The following KCNC2 variants were observed in gnomAD, a reference collection of about 807,000 sequenced individuals.
The protein encoded by KCNC2 is voltage-gated potassium channel KCNC2.
KCNC2 carries 21 observed loss-of-function variants against 44.5 expected under a neutral mutation model. The ratio of observed to expected loss-of-function variants is 0.47; its 90% CI spans 0.33 to 0.68. The LOEUF (loss-of-function observed/expected upper bound fraction) is 0.68. Ranked by LOEUF, KCNC2 falls within the 30% of genes least tolerant of loss-of-function variation. The pLI is 0.01. For synonymous variants in KCNC2, 391 were observed against 339.1 expected (o/e 1.15, Z -1.68); for missense variants, 589 against 826.2 (o/e 0.71, Z 3.52).
intron 2 of KCNC2, among the ~76,000 whole-genome samples, chr12:75,063,920 A>T (rs928783181): frequency 6.6e-6 from 1 of 152,126 alleles, no homozygotes; most frequent in Non-Finnish European, 1.5e-5. Flanking sequence ...TAACTTTCAC[A>T]ATCAATTATT....
At chr12:75,172,418 C>T (rs1360742890) in intron 2 of KCNC2, among the ~76,000 whole-genome samples, 1 of 151,732 alleles carries the variant, frequency 6.6e-6, no homozygotes, top group Non-Finnish European at 1.5e-5. Context: ...CAGCAAACCA[C>T]CACCATGGCA....
intron 2 of KCNC2, among the ~76,000 whole-genome samples, chr12:75,087,773 A>G (rs1885145266): frequency 6.6e-6 from 1 of 152,096 alleles, no homozygotes; most frequent in Non-Finnish European, 1.5e-5. Flanking sequence ...ACATGAGCAC[A>G]GGCTGGAGGA....
chr12:75,178,261 A>G (rs913103915), intron 2 of KCNC2, among the ~76,000 whole-genome samples: 35 of 152,034 alleles, frequency 2.3e-4, no homozygotes, highest in Admixed American at 1.7e-3. Flanking sequence ...TACCAAAGAA[A>G]TTAGCACTGA....
intron 2 of KCNC2, among the ~76,000 whole-genome samples, chr12:75,170,448 C>G (rs1324951462): frequency 6.6e-6 from 1 of 151,638 alleles, no homozygotes; most frequent in African/African-American, 2.4e-5. Flanking sequence ...ATTCTAGATA[C>G]AGAGGAATAC....
At chr12:75,086,553 T>C (rs1885012732) in intron 2 of KCNC2, among the ~76,000 whole-genome samples, 1 of 151,428 alleles carries the variant, frequency 6.6e-6, no homozygotes, top group African/African-American at 2.4e-5. Flanking sequence ...TTTGGTCATG[T>C]AGTAGACACG....
intron 2 of KCNC2, among the ~76,000 whole-genome samples, chr12:75,146,904 C>T (rs926864317): frequency 1.3e-5 from 2 of 151,980 alleles, no homozygotes; most frequent in Non-Finnish European, 2.9e-5. Flanking sequence ...AACAATTGTG[C>T]TGAGGTCTGA....
At chr12:75,097,757 A>C (rs573912926) in intron 2 of KCNC2, among the ~76,000 whole-genome samples, 1 of 152,222 alleles carries the variant, frequency 6.6e-6, no homozygotes, top group African/African-American at 2.4e-5. Context: ...TTTTAATTTA[A>C]GCTTTTCTGC....
At position 75,204,069 on chromosome 12, in the gene KCNC2, T is replaced by C. The variant is rs549853187; in HGVS notation, c.687+3228A>G. Reference sequence around the variant, plus strand: ...TTTACTGTTTGTAAATATCACTCACTAGCATCAACAAAATAAACTCTCATT... The same window carrying C: ...TTTACTGTTTGTAAATATCACTCACCAGCATCAACAAAATAAACTCTCATT... On this transcript the variant is annotated intron_variant, in intron 2 of 4. Coordinates refer to ENST00000549446, the MANE Select transcript of KCNC2 (RefSeq NM_139137.4). 3.6e-3 allele frequency among the ~76,000 whole-genome samples: 550 copies of C among 152,112 alleles called. 1 individual carries two copies. The highest frequency in any genetic ancestry group is 0.013 in the African/African-American group (525 of 41,570).
At chr12:75,153,424 C>G (rs1890542062) in intron 2 of KCNC2, among the ~76,000 whole-genome samples, 1 of 151,572 alleles carries the variant, frequency 6.6e-6, no homozygotes, top group Admixed American at 6.6e-5. Flanking sequence ...AATGTGTACA[C>G]ATGGATAGAG....
At chr12:75,177,485 A>AT (rs146474593) in intron 2 of KCNC2, among the ~76,000 whole-genome samples, 1,867 of 151,650 alleles carry the variant, frequency 0.012, 30 homozygotes, top group African/African-American at 0.041. Context: ...TTAAAATATG[A>AT]TTTTTTTTCA....
chr12:75,084,173 A>G (rs1437009682), intron 2 of KCNC2, among the ~76,000 whole-genome samples: 1 of 151,946 alleles, frequency 6.6e-6, no homozygotes, highest in Non-Finnish European at 1.5e-5. Context: ...CATCTCCTCT[A>G]TCGGTATAAA....
At chr12:75,119,301 C>A (rs1459387994) in intron 2 of KCNC2, among the ~76,000 whole-genome samples, 2 of 152,068 alleles carry the variant, frequency 1.3e-5, no homozygotes, top group Non-Finnish European at 2.9e-5. Flanking sequence ...TAGGTAACTT[C>A]AAAATGTAGG....
chr12:75,148,417 T>TTAATCTA (rs1397380466), intron 2 of KCNC2, among the ~76,000 whole-genome samples: 2 of 152,046 alleles, frequency 1.3e-5, no homozygotes, highest in Admixed American at 6.6e-5. Context: ...TAAGCATCCT[T>TTAATCTA]AGGTCAGGAG....
intron 2 of KCNC2, among the ~76,000 whole-genome samples, chr12:75,176,505 TC>T (rs957424180): frequency 5.4e-4 from 82 of 152,008 alleles, no homozygotes; most frequent in African/African-American, 1.8e-3. Context: ...TCACTACTCT[TC>T]CCCTCTGCTC....
intron 2 of KCNC2, among the ~76,000 whole-genome samples, chr12:75,091,745 A>G (rs1293957324): frequency 2.6e-5 from 4 of 151,606 alleles, no homozygotes; most frequent in Non-Finnish European, 4.4e-5. Flanking sequence ...ACAAATGAGT[A>G]GGCACCTATA....
chr12:75,063,845 G>C (rs1192194184), intron 2 of KCNC2, among the ~76,000 whole-genome samples: 1 of 152,066 alleles, frequency 6.6e-6, no homozygotes, highest in Non-Finnish European at 1.5e-5. Flanking sequence ...AAGCAGATGA[G>C]AAAAATAAGA....
At chr12:75,103,109 T>G (rs1162300917) in intron 2 of KCNC2, among the ~76,000 whole-genome samples, 1 of 152,102 alleles carries the variant, frequency 6.6e-6, no homozygotes, top group Non-Finnish European at 1.5e-5. Flanking sequence ...CCGAATTGCT[T>G]GCAAAATAGT....
intron 2 of KCNC2, among the ~76,000 whole-genome samples, chr12:75,179,792 C>T (rs1892454875): frequency 6.6e-6 from 1 of 150,756 alleles, no homozygotes; most frequent in South Asian, 2.1e-4. Flanking sequence ...ACTTTTATAT[C>T]TTGGAAATAA....
Position 75,182,529 on chromosome 12 carries a change from A to AAC in KCNC2, c.687+24767_687+24768insGT, listed in dbSNP as rs202205564. Among the ~76,000 whole-genome samples the AAC allele has an allele frequency of 2.2e-3, 300 of 138,444 alleles. 1 individual carries two copies. The highest frequency in any genetic ancestry group is 7.1e-3 in the African/African-American group (280 of 39,254). 90.8% of individuals were successfully genotyped at this position (138,444 alleles called of 152,430 possible). The stretch of plus-strand genomic sequence containing the variant: ...GAGCGAGATTCCGTCTCAAAAAAAA[A>AAC]AAAAAAAACAAAAAAAACAAAAAAA... On this transcript the variant is annotated intron_variant, in intron 2 of 4. Coordinates refer to ENST00000549446, the MANE Select transcript of KCNC2 (RefSeq NM_139137.4).
Sources: allele counts gnomAD v4.1 joint callset (sites outside exome capture counted in the v4.1 genomes callset), GRCh38; gene constraint gnomAD v4.1.1; transcripts MANE v1.5; gene names NCBI Gene and HGNC (gene_info 2026-07-23, HGNC 2026-07-21).